Variants in TLCD4 observed in about 807,000 individuals in gnomAD.
TLCD4 encodes TLC domain-containing protein 4.
A neutral mutation model predicts 24.2 loss-of-function variants in TLCD4; 7 were observed. That is an observed-to-expected ratio of 0.29 (90% confidence interval 0.16 to 0.54). The LOEUF (loss-of-function observed/expected upper bound fraction) is 0.54, where lower values mean the gene tolerates loss of function less well. Among genes scored for constraint, TLCD4 ranks in the 20% least tolerant of loss-of-function variants. The pLI is 0.95. For missense variants in TLCD4, 259 were observed against 313.9 expected (o/e 0.82, Z 1.32); for synonymous variants, 103 against 106.4 (o/e 0.97, Z 0.20).
chr1:95,103,855 A>G, the TLCD4 span, among the ~76,000 whole-genome samples: 1 of 152,236 alleles, frequency 6.6e-6, no homozygotes, highest in Non-Finnish European at 1.5e-5. Flanking sequence ...AAACGAATTA[A>G]TAATTTGGAT....
intron 2 of TLCD4, among the ~76,000 whole-genome samples, chr1:95,146,539 C>T (rs1461520178): frequency 6.6e-6 from 1 of 151,674 alleles, no homozygotes; most frequent in Non-Finnish European, 1.5e-5. Context: ...TCTTTTCCAC[C>T]CTCTTTGAAA....
At chr1:95,165,495 C>T (rs371684764) in intron 5 of TLCD4, among the ~76,000 whole-genome samples, 93 of 147,140 alleles carry the variant, frequency 6.3e-4, no homozygotes, top group African/African-American at 2.2e-3. Flanking sequence ...GACAAAGTCT[C>T]GCTCTTGTCC....
intron 6 of TLCD4, among the ~76,000 whole-genome samples, chr1:95,188,115 C>T (rs946011373): frequency 6.6e-6 from 1 of 152,022 alleles, no homozygotes; most frequent in African/African-American, 2.4e-5. Context: ...TAGCCGGGCG[C>T]GGTAGCTCAC....
chr1:95,155,813 G>C (rs556460851), intron 5 of TLCD4, among the ~76,000 whole-genome samples: 6 of 151,136 alleles, frequency 4.0e-5, no homozygotes, highest in African/African-American at 1.5e-4. Context: ...GATCAACCAG[G>C]TATTACAGAG....
chr1:95,144,566 T>C (rs1270388450), intron 2 of TLCD4, among the ~76,000 whole-genome samples: 3 of 151,806 alleles, frequency 2.0e-5, no homozygotes, highest in African/African-American at 7.3e-5. Flanking sequence ...TATTTTGTTA[T>C]ATAATTTTAA....
At chr1:95,181,119 C>T (rs990104250) in intron 6 of TLCD4, among the ~76,000 whole-genome samples, 6 of 152,012 alleles carry the variant, frequency 3.9e-5, no homozygotes, top group Non-Finnish European at 8.8e-5. Flanking sequence ...AAAATTATTA[C>T]CTCATTGAAT....
the TLCD4 span, among the ~76,000 whole-genome samples, chr1:95,098,789 G>A: frequency 6.6e-6 from 1 of 152,174 alleles, no homozygotes; most frequent in Non-Finnish European, 1.5e-5. Flanking sequence ...GATAGGCTGG[G>A]TGCGGTGGCT....
chr1:95,155,481 T>C (rs1677605950), intron 5 of TLCD4, among the ~76,000 whole-genome samples: 1 of 152,202 alleles, frequency 6.6e-6, no homozygotes. Context: ...AAAGATTTAA[T>C]CCTATCCCTT....
chr1:95,177,339 T>A (rs77042228), intron 6 of TLCD4, among the ~76,000 whole-genome samples: 7 of 152,302 alleles, frequency 4.6e-5, no homozygotes, highest in East Asian at 3.9e-4. Flanking sequence ...TATGATTATA[T>A]GTCTTGTTAT....
chr1:95,153,345 A>G (rs1677542743), intron 5 of TLCD4, among the ~76,000 whole-genome samples: 1 of 152,182 alleles, frequency 6.6e-6, no homozygotes, highest in African/African-American at 2.4e-5. Flanking sequence ...AAGCAAGCTT[A>G]TGAGATAACT....
At chr1:95,130,686 TAG>T (rs1303374453) in intron 1 of TLCD4, among the ~76,000 whole-genome samples, 9 of 152,210 alleles carry the variant, frequency 5.9e-5, no homozygotes, top group Non-Finnish European at 1.2e-4. Flanking sequence ...AGTTTGCAGA[TAG>T]AGACTTTTAC....
intron 1 of TLCD4, among the ~76,000 whole-genome samples, chr1:95,124,814 A>G (rs1676667100): frequency 6.6e-6 from 1 of 151,978 alleles, no homozygotes; most frequent in Admixed American, 6.6e-5. Context: ...CATTAACTTA[A>G]TAGAACTATA....
intron 1 of TLCD4, among the ~76,000 whole-genome samples, chr1:95,127,433 A>G (rs1269419701): frequency 6.6e-6 from 1 of 152,188 alleles, no homozygotes; most frequent in East Asian, 1.9e-4. Flanking sequence ...CTTCCTAGGT[A>G]GCTTGGCGGT....
At chr1:95,112,927 G>A (rs896213555), upstream of TLCD4, among the ~76,000 whole-genome samples, 2 of 152,038 alleles carry the variant, frequency 1.3e-5, no homozygotes, top group African/African-American at 4.8e-5. Flanking sequence ...AGTTGCCCAG[G>A]CTGGTCTTAA....
intron 4 of TLCD4, 129 bp from the exon 5 acceptor site, chr1:95,151,196 A>G (rs1677482135): frequency 2.3e-6 from 2 of 874,768 alleles, no homozygotes; most frequent in Non-Finnish European, 3.6e-6. Context: ...AGACTAACTG[A>G]GGGATGAACA....
At chr1:95,168,104 C>T (rs1273002377) in intron 5 of TLCD4, among the ~76,000 whole-genome samples, 3 of 152,144 alleles carry the variant, frequency 2.0e-5, no homozygotes, top group Non-Finnish European at 4.4e-5. Context: ...GTGATGAGGA[C>T]AATGATGGTA....
chr1:95,173,464 G>A (rs370436181), intron 5 of TLCD4, among the ~76,000 whole-genome samples: 4 of 152,182 alleles, frequency 2.6e-5, no homozygotes, highest in Admixed American at 1.3e-4. Flanking sequence ...CGCGTGCCAC[G>A]TGATCATTCT....
chr1:95,149,853 A>G (rs1008882027), intron 3 of TLCD4, among the ~76,000 whole-genome samples: 2 of 152,194 alleles, frequency 1.3e-5, no homozygotes, highest in African/African-American at 2.4e-5. Flanking sequence ...TTTCCTGGTT[A>G]TATTTACAGA....
upstream of TLCD4, among the ~76,000 whole-genome samples, chr1:95,116,208 A>G (rs1023220752): frequency 2.0e-5 from 3 of 152,166 alleles, no homozygotes; most frequent in Admixed American, 6.5e-5. Context: ...CAGAGTCACT[A>G]TGAATTATTA....
Sources: allele counts gnomAD v4.1 joint callset (sites outside exome capture counted in the v4.1 genomes callset), GRCh38; gene constraint gnomAD v4.1.1; transcripts MANE v1.5; gene names NCBI Gene and HGNC (gene_info 2026-07-23, HGNC 2026-07-21).